Variants in NRF1 observed in about 807,000 individuals in gnomAD.
NRF1 encodes the protein nuclear respiratory factor 1.
Under a neutral mutation model 58.5 loss-of-function variants are expected in NRF1, and 5 were observed. That is an observed-to-expected ratio of 0.09 (90% CI 0.04 to 0.18). The LOEUF (loss-of-function observed/expected upper bound fraction) is 0.18, where lower values mean the gene tolerates loss of function less well. Ranked by LOEUF, NRF1 falls within the 10% of genes least tolerant of loss-of-function variation. The pLI, the probability that NRF1 is intolerant of heterozygous loss-of-function variation, is 1.00. For synonymous variants in NRF1, 224 were observed against 246.7 expected (o/e 0.91, Z 0.86); for missense variants, 288 against 657.7 (o/e 0.44, Z 6.15).
chr7:129,630,116 G>A (rs1801015181), intron 1 of NRF1: 1 of 152,126 alleles, frequency 6.6e-6, no homozygotes, highest in Admixed American at 6.5e-5. Context: ...GGTGCTCAAA[G>A]GATATTTGTT....
At chr7:129,619,110 T>C (rs1198247435) in intron 1 of NRF1, among the ~76,000 whole-genome samples, 1 of 151,864 alleles carries the variant, frequency 6.6e-6, no homozygotes, top group Non-Finnish European at 1.5e-5. Context: ...TTGAAGAGCA[T>C]CTACATCTGA....
At chr7:129,733,766 A>G (rs796667201) in intron 10 of NRF1, among the ~76,000 whole-genome samples, 4 of 152,270 alleles carry the variant, frequency 2.6e-5, no homozygotes, top group African/African-American at 7.2e-5. Flanking sequence ...GTTCATGCCT[A>G]TAATCCTAAC....
intron 2 of NRF1, among the ~76,000 whole-genome samples, chr7:129,660,685 C>A (rs1042709048): frequency 1.3e-5 from 2 of 150,972 alleles, no homozygotes; most frequent in Admixed American, 1.3e-4. Context: ...ACAGCTCTGC[C>A]CCCTGTGGCT....
intron 1 of NRF1, among the ~76,000 whole-genome samples, chr7:129,646,770 T>C (rs1696203959): frequency 6.6e-6 from 1 of 152,160 alleles, no homozygotes; most frequent in South Asian, 2.1e-4. Flanking sequence ...AAAACATGGT[T>C]GGCAGGCTCA....
intron 1 of NRF1, among the ~76,000 whole-genome samples, chr7:129,622,939 C>T (rs1321422123): frequency 3.3e-5 from 5 of 152,168 alleles, no homozygotes; most frequent in Non-Finnish European, 5.9e-5. Flanking sequence ...TTATTTTTAC[C>T]TTGAAACATT....
chr7:129,697,923 A>G (rs930906144), intron 5 of NRF1, among the ~76,000 whole-genome samples: 8 of 152,142 alleles, frequency 5.3e-5, no homozygotes, highest in Middle Eastern at 3.4e-3. Context: ...TTTAGTAGAG[A>G]AGGGGTTTCA....
At chr7:129,680,064 AAATAAT>A (rs1294837383) in intron 4 of NRF1, among the ~76,000 whole-genome samples, 1 of 152,186 alleles carries the variant, frequency 6.6e-6, no homozygotes, top group Non-Finnish European at 1.5e-5. Context: ...TGTCTCAAAA[AAATAAT>A]AATAATAAAA....
At chr7:129,619,736 GT>G (rs34136401) in intron 1 of NRF1, among the ~76,000 whole-genome samples, 68 of 125,644 alleles carry the variant, frequency 5.4e-4, no homozygotes, top group East Asian at 3.8e-3. Context: ...TGTTTGGGTT[GT>G]TTTTTTTTTT....
chr7:129,755,276 T>G lies in NRF1; in HGVS notation c.*95T>G. Reference sequence around the variant, plus strand: ...TCAAATGGAATTAAGTCTCTCGACTTTGGAAGGAAAGTTTTGTTAACCTTT... The same window carrying G: ...TCAAATGGAATTAAGTCTCTCGACTGTGGAAGGAAAGTTTTGTTAACCTTT... On this transcript the variant is annotated 3_prime_UTR_variant, in exon 11 of 11. Coordinates refer to ENST00000393232, the MANE Select transcript of NRF1 (RefSeq NM_005011.5). This position sits in a 1 kb window ranked among gnomAD's most constrained non-coding sequence, Gnocchi z 5.8. 8.7e-7 allele frequency: 1 copy of G among 1,152,528 alleles called. No individual in the cohort carries two copies. The highest frequency in any genetic ancestry group is 1.1e-6 in the Non-Finnish European group (1 of 875,754). 71.4% of individuals were successfully genotyped at this position (1,152,528 alleles called of 1,614,324 possible).
At position 129,738,163 on chromosome 7, in the gene NRF1, T is replaced by C. The variant is rs149305189; in HGVS notation, c.1348+10798T>C. Among the ~76,000 whole-genome samples, 183 of 152,354 alleles carry C rather than the reference T, an allele frequency of 1.2e-3. 1 individual carries two copies. Among genetic ancestry groups the C allele is most frequent in the Middle Eastern group, 3.4e-3 (1 of 294 alleles). On this transcript the variant is annotated intron_variant, in intron 10 of 10. Transcript: ENST00000393232. Reference sequence around the variant, plus strand: ...GTAAGAAAAAGCAAATGAAGATTCATGTGTATTACAACTGTTTCTCCTTTG... The same window carrying C: ...GTAAGAAAAAGCAAATGAAGATTCACGTGTATTACAACTGTTTCTCCTTTG...
intron 4 of NRF1, among the ~76,000 whole-genome samples, chr7:129,687,827 A>T (rs1007063510): frequency 1.3e-5 from 2 of 152,260 alleles, no homozygotes; most frequent in Non-Finnish European, 2.9e-5. Flanking sequence ...TTGATAGATC[A>T]GATAGAATTA....
At chr7:129,668,527 T>C (rs1214997991) in intron 2 of NRF1, among the ~76,000 whole-genome samples, 4 of 152,228 alleles carry the variant, frequency 2.6e-5, no homozygotes, top group East Asian at 1.9e-4. Context: ...CTGTATTAAA[T>C]TTATAAATCA....
intron 4 of NRF1, among the ~76,000 whole-genome samples, chr7:129,679,159 C>A (rs1802248677): frequency 2.0e-5 from 3 of 152,184 alleles, no homozygotes; most frequent in East Asian, 3.8e-4. Flanking sequence ...CCAGTTAATT[C>A]TGTTATAAAC....
chr7:129,636,570 A>G (rs1562955706), intron 1 of NRF1, among the ~76,000 whole-genome samples: 1 of 152,182 alleles, frequency 6.6e-6, no homozygotes, highest in Non-Finnish European at 1.5e-5. Flanking sequence ...TTTTTAGAAC[A>G]AAGTTTAGAA....
intron 1 of NRF1, among the ~76,000 whole-genome samples, chr7:129,613,053 A>C (rs1800574654): frequency 6.6e-6 from 1 of 152,188 alleles, no homozygotes; most frequent in African/African-American, 2.4e-5. Context: ...AGCAAAATTC[A>C]CATTTTTTTA....
At chr7:129,687,860 A>G (rs1309296348) in intron 4 of NRF1, among the ~76,000 whole-genome samples, 1 of 152,252 alleles carries the variant, frequency 6.6e-6, no homozygotes, top group African/African-American at 2.4e-5. Context: ...AGTAATTCTG[A>G]GAAGGTTACT....
Position 129,657,282 on chromosome 7 carries a change from A to G in NRF1, c.-6-64A>G, listed in dbSNP as rs1191029642. The G allele has an allele frequency of 2.7e-5, 32 of 1,178,690 alleles. No individual in the cohort carries two copies. In the Admixed American group the frequency reaches 5.9e-4, roughly 22 times the overall value. 73.0% of individuals were successfully genotyped at this position (1,178,690 alleles called of 1,614,324 possible). ...TCTGCTCTTGAATAAAATATCTCTT[A>G]GTTTAAACATTGTGTTATATTACAC... On this transcript the variant is annotated intron_variant, in intron 1 of 10. Coordinates refer to ENST00000393232, the MANE Select transcript of NRF1 (RefSeq NM_005011.5).
Position 129,754,253 on chromosome 7 carries a change from G to A in NRF1, c.1349-765G>A, listed in dbSNP as rs898023680. Among the ~76,000 whole-genome samples the A allele has an allele frequency of 3.0e-4, 45 of 150,994 alleles. No individual in the cohort carries two copies. The East Asian group carries it at 3.7e-3, about 12-fold the overall frequency. ...AGGTGGGAGGATCACTTGAGGCCAC[G>A]AGTTCAAGACCAGCCTGGGCAACAC... On this transcript the variant is annotated intron_variant, in intron 10 of 10. Coordinates refer to ENST00000393232, the MANE Select transcript of NRF1 (RefSeq NM_005011.5).
chr7:129,695,757 C>T (rs1802678108), intron 5 of NRF1, among the ~76,000 whole-genome samples: 2 of 150,564 alleles, frequency 1.3e-5, no homozygotes, highest in African/African-American at 4.9e-5. Context: ...ATGCCCACCT[C>T]TGTGTGTTTA....
Sources: gnomAD v4.1 joint callset for allele counts (sites outside exome capture counted in the v4.1 genomes callset) on GRCh38, gnomAD v4.1.1 for gene constraint, Gnocchi (gnomAD v3.1) non-coding constraint, MANE v1.5 for transcripts, NCBI Gene and HGNC (gene_info 2026-07-23, HGNC 2026-07-21) for gene names.